Variants in SGCZ observed in about 807,000 individuals in gnomAD.
SGCZ encodes sarcoglycan zeta, also known as zeta-sarcoglycan.
Under a neutral mutation model 41.3 loss-of-function variants are expected in SGCZ, and 40 were observed. The observed-to-expected ratio is 0.97, with a 90% confidence interval of 0.75 to 1.26. The LOEUF (loss-of-function observed/expected upper bound fraction) is 1.26, where lower values mean the gene tolerates loss of function less well. Ranked by LOEUF, SGCZ falls within the 50% of genes most tolerant of loss-of-function variation. SGCZ has a pLI of 0.00. For synonymous variants in SGCZ, 206 were observed against 137.5 expected, an observed-to-expected ratio of 1.50 and a Z score of -3.49; for missense variants, 552 against 369.8, an observed-to-expected ratio of 1.49 and a Z score of -4.04.
At chr8:14,563,749 G>A (rs1193083156) in intron 1 of SGCZ, among the ~76,000 whole-genome samples, 1 of 152,088 alleles carries the variant, frequency 6.6e-6, no homozygotes, top group Non-Finnish European at 1.5e-5. Flanking sequence ...AAAGCTTGAG[G>A]AAGTAATAAA....
intron 7 of SGCZ, among the ~76,000 whole-genome samples, chr8:14,098,353 AAACAAC>A (rs1478242304): frequency 6.6e-6 from 1 of 152,156 alleles, no homozygotes; most frequent in South Asian, 2.1e-4. Flanking sequence ...AAAACTAAGC[AAACAAC>A]AACAAAAACC....
intron 4 of SGCZ, among the ~76,000 whole-genome samples, chr8:14,182,326 A>G (rs1021386170): frequency 2.6e-5 from 4 of 152,172 alleles, no homozygotes; most frequent in African/African-American, 9.7e-5. Flanking sequence ...CTGAGAATCC[A>G]TACATCCTGG....
Position 15,037,554 on chromosome 8 carries a change from A to G in SGCZ, c.39+200031T>C, listed in dbSNP as rs183405597. On this transcript the variant is annotated intron_variant, in intron 1 of 7. Transcript: ENST00000382080. The stretch of plus-strand genomic sequence containing the variant: ...AAAATGTTGAAAGTTTTCCTCTGAG[A>G]TCAGTACATAAAGAGAGAATGTCCA... Among the ~76,000 whole-genome samples the G allele has an allele frequency of 9.8e-5, 15 of 152,300 alleles. No individual in the cohort carries two copies. In the East Asian group the frequency reaches 2.5e-3, roughly 25 times the overall value.
intron 1 of SGCZ, among the ~76,000 whole-genome samples, chr8:14,579,918 A>C (rs1804832008): frequency 6.6e-6 from 1 of 152,100 alleles, no homozygotes. Context: ...TGTGCCAGAG[A>C]GTGTGAAGGT....
intron 2 of SGCZ, among the ~76,000 whole-genome samples, chr8:14,368,161 T>C (rs1041294848): frequency 1.6e-4 from 24 of 152,064 alleles, no homozygotes; most frequent in Admixed American, 1.6e-3. Flanking sequence ...GTTCTTTCAA[T>C]TTAATTATGC....
intron 7 of SGCZ, among the ~76,000 whole-genome samples, chr8:14,097,421 A>G (rs7007142): frequency 0.021 from 3,219 of 152,230 alleles, 132 homozygotes; most frequent in African/African-American, 0.075. Flanking sequence ...GAGTTTCTTA[A>G]TCCTGAGTTC....
chr8:14,139,490 A>C (rs1441760231), intron 5 of SGCZ, among the ~76,000 whole-genome samples: 1 of 152,236 alleles, frequency 6.6e-6, no homozygotes, highest in East Asian at 1.9e-4. Context: ...GATGCAATAA[A>C]AAATGATAAA....
intron 1 of SGCZ, among the ~76,000 whole-genome samples, chr8:15,036,282 G>T (rs1051907299): frequency 2.6e-5 from 4 of 151,948 alleles, no homozygotes; most frequent in African/African-American, 9.7e-5. Context: ...TACCAAGAAT[G>T]ATTTAAAAAT....
chr8:15,005,016 G>A (rs1448643019), intron 1 of SGCZ, among the ~76,000 whole-genome samples: 1 of 152,108 alleles, frequency 6.6e-6, no homozygotes, highest in Admixed American at 6.6e-5. Flanking sequence ...CAGTGGTCAG[G>A]TTGAAAACTG....
chr8:14,104,468 A>G (rs1386265274), intron 6 of SGCZ, among the ~76,000 whole-genome samples: 1 of 152,170 alleles, frequency 6.6e-6, no homozygotes, highest in Non-Finnish European at 1.5e-5. Context: ...AGAATTCTCA[A>G]CATTCAGAAA....
intron 1 of SGCZ, among the ~76,000 whole-genome samples, chr8:15,033,388 C>T (rs1186607224): frequency 2.0e-5 from 3 of 151,878 alleles, no homozygotes; most frequent in African/African-American, 7.3e-5. Flanking sequence ...CCAGACTAGC[C>T]CCTAGTAGCC....
intron 1 of SGCZ, among the ~76,000 whole-genome samples, chr8:14,579,158 A>G (rs1343583737): frequency 1.3e-5 from 2 of 152,102 alleles, no homozygotes; most frequent in South Asian, 2.1e-4. Context: ...CCCATTTCTC[A>G]TTTTTTATTT....
chr8:14,425,742 G>A (rs914170728), intron 2 of SGCZ, among the ~76,000 whole-genome samples: 1 of 151,920 alleles, frequency 6.6e-6, no homozygotes, highest in Non-Finnish European at 1.5e-5. Context: ...TTAGTTTTTA[G>A]GTACATTTAC....
At chr8:14,127,761 T>C (rs1802908339) in intron 5 of SGCZ, among the ~76,000 whole-genome samples, 1 of 152,112 alleles carries the variant, frequency 6.6e-6, no homozygotes, top group South Asian at 2.1e-4. Context: ...TGGCCTGTTT[T>C]AGAATTTTTT....
chr8:14,253,764 T>A (rs1311448413), intron 3 of SGCZ, among the ~76,000 whole-genome samples: 1 of 152,138 alleles, frequency 6.6e-6, no homozygotes, highest in Non-Finnish European at 1.5e-5. Flanking sequence ...ACGAGCTATC[T>A]ATATTAAAAC....
At chr8:14,451,022 C>G (rs995109780) in intron 2 of SGCZ, among the ~76,000 whole-genome samples, 1 of 152,124 alleles carries the variant, frequency 6.6e-6, no homozygotes, top group African/African-American at 2.4e-5. Flanking sequence ...GCTCCAAAAC[C>G]ACCAGGAGAG....
chr8:14,175,896 T>C (rs1046977884), intron 4 of SGCZ, among the ~76,000 whole-genome samples: 1 of 152,140 alleles, frequency 6.6e-6, no homozygotes, highest in Admixed American at 6.5e-5. Flanking sequence ...TGATATATTA[T>C]GCAAATACCA....
rs1389521234 is a variant in SGCZ, at chr8:14,284,411, A to G, written c.336+39692T>C. The stretch of plus-strand genomic sequence containing the variant: ...TATCTCACACAAACACACAAAAAAT[A>G]GACTTGTCTTATTTTAGTATAGGTT... On this transcript the variant is annotated intron_variant, in intron 3 of 7. Coordinates refer to ENST00000382080, the MANE Select transcript of SGCZ (RefSeq NM_139167.4). Among the ~76,000 whole-genome samples the G allele has an allele frequency of 3.3e-5, 5 of 152,346 alleles. No individual in the cohort carries two copies. In the East Asian group the frequency reaches 9.6e-4, roughly 29 times the overall value.
chr8:14,592,278 C>T (rs1313935590), intron 1 of SGCZ, among the ~76,000 whole-genome samples: 1 of 152,016 alleles, frequency 6.6e-6, no homozygotes, highest in Non-Finnish European at 1.5e-5. Context: ...AAATCTTCAA[C>T]AATGAAGAAT....
Sources: gnomAD v4.1 joint callset for allele counts (sites outside exome capture counted in the v4.1 genomes callset) on GRCh38, gnomAD v4.1.1 for gene constraint, MANE v1.5 for transcripts, NCBI Gene and HGNC (gene_info 2026-07-23, HGNC 2026-07-21) for gene names.